The following MPG variants were observed in gnomAD, a reference collection of about 807,000 sequenced individuals.
MPG encodes N-methylpurine DNA glycosylase, also known as DNA-3-methyladenine glycosylase.
A neutral mutation model predicts 31.7 loss-of-function variants in MPG; 33 were observed. The ratio of observed to expected loss-of-function variants is 1.04; its 90% confidence interval spans 0.79 to 1.39. The LOEUF (loss-of-function observed/expected upper bound fraction) is 1.39, where lower values mean the gene tolerates loss of function less well. Ranked by LOEUF, MPG falls within the 40% of genes most tolerant of loss-of-function variation. MPG has a pLI of 0.00. For synonymous variants in MPG, 202 were observed against 169.2 expected, an observed-to-expected ratio of 1.19 and a Z score of -1.51; for missense variants, 455 against 415.5, an observed-to-expected ratio of 1.10 and a Z score of -0.83.
upstream of MPG, among the ~76,000 whole-genome samples, chr16:77,807 C>T (rs940374911): frequency 3.9e-5 from 6 of 152,100 alleles, no homozygotes; most frequent in African/African-American, 2.4e-5. Context: ...TGGCACCCCA[C>T]CGGAAAACAC....
At chr16:82,667 G>C (rs1481469181) in intron 2 of MPG, among the ~76,000 whole-genome samples, 1 of 152,220 alleles carries the variant, frequency 6.6e-6, no homozygotes, top group Non-Finnish European at 1.5e-5. Flanking sequence ...GTGATGCCTG[G>C]CCTCGTGCTA....
intron 3 of MPG, among the ~76,000 whole-genome samples, chr16:83,959 G>A (rs765833861): frequency 1.3e-5 from 2 of 152,214 alleles, no homozygotes; most frequent in South Asian, 2.1e-4. Flanking sequence ...CGGAGGAGTC[G>A]GTGAGGAAAG....
chr16:83,457 G>A (rs1898313139), intron 3 of MPG: 4 of 574,756 alleles, frequency 7.0e-6, no homozygotes, highest in Non-Finnish European at 1.2e-5. Flanking sequence ...AGGGCCGGGT[G>A]GGGCCGGGCG....
chr16:85,636 T>TA lies in MPG; in HGVS notation c.741_742insA (p.Glu248ArgfsTer41). 6.3e-7 allele frequency: 1 copy of TA among 1,594,698 alleles called. No individual in the cohort carries two copies. The highest frequency in any genetic ancestry group is 8.6e-7 in the Non-Finnish European group (1 of 1,166,288). ...TGGAGCGTGGTCCCCTGGAGCCCAGTGAGCCGGCTGTAGTGGCAGCAGCCC... is the reference window on the plus strand; with the variant it reads ...TGGAGCGTGGTCCCCTGGAGCCCAGTAGAGCCGGCTGTAGTGGCAGCAGCCC... On this transcript the variant is annotated frameshift_variant, in exon 4 of 4. Coordinates refer to ENST00000356432, the MANE Select transcript of MPG (RefSeq NM_001015052.3). LOFTEE classifies it high-confidence loss of function.
chr16:85,262 G>C (rs1898396092), intron 3 of MPG, 139 bp from the exon 4 acceptor site: 2 of 996,004 alleles, frequency 2.0e-6, no homozygotes, highest in African/African-American at 3.2e-5. Context: ...AGGAGATGGT[G>C]CAGGTGCACA....
At position 83,246 on chromosome 16, in the gene MPG, C is replaced by G. The variant is rs1240493174; in HGVS notation, c.495C>G (p.Ile165Met). ...IIYGMYFCMN[I>M]SSQGDGACVL... ...ACGGCATGTACTTCTGCATGAACAT[C>G]TCCAGCCAGGGTGAGCAGTGCTGGG... Residue 165 changes from isoleucine to methionine, a missense_variant, in exon 3 of 4, where the codon ATC becomes ATG. Coordinates refer to ENST00000356432, the MANE Select transcript of MPG (RefSeq NM_001015052.3). 1.9e-6 allele frequency: 3 copies of G among 1,611,478 alleles called. No individual in the cohort carries two copies. Among genetic ancestry groups the G allele is most frequent in the Non-Finnish European group, 2.5e-6 (3 of 1,178,912 alleles).
At chr16:78,147 G>T, upstream of MPG, 1 of 476,566 alleles carries the variant, frequency 2.1e-6, no homozygotes, top group Non-Finnish European at 3.2e-6. Flanking sequence ...CCGCCCCGGG[G>T]GCGCAGCCAG....
At chr16:80,328 C>T (rs917076263) in intron 2 of MPG, among the ~76,000 whole-genome samples, 3 of 152,240 alleles carry the variant, frequency 2.0e-5, no homozygotes, top group African/African-American at 7.2e-5. Context: ...TCTCCAGAGG[C>T]TCCAAGGCCT....
intron 2 of MPG, among the ~76,000 whole-genome samples, chr16:82,702 A>G (rs938727612): frequency 1.3e-5 from 2 of 152,156 alleles, no homozygotes; most frequent in East Asian, 3.9e-4. Context: ...TCTCAAGGGC[A>G]CTTGGGAAAG....
Position 83,046 on chromosome 16 carries a change from C to T in MPG, c.301-6C>T, listed in dbSNP as rs775514188. On this transcript the variant is annotated splice_region_variant and splice_polypyrimidine_tract_variant and intron_variant, in intron 2 of 3. Transcript: ENST00000356432. ...CCCGCCCTGAGCAGAAACTGACTGC[C>T]CACAGGTCCTAGTCCGGCGACTTCC... The T allele has an allele frequency of 3.2e-6, 5 of 1,586,806 alleles. No individual in the cohort carries two copies. Among genetic ancestry groups the T allele is most frequent in the Non-Finnish European group, 4.3e-6 (5 of 1,164,106 alleles).
chr16:79,264 G>A (rs1898173333), intron 1 of MPG, 161 bp from the exon 2 acceptor site: 4 of 1,557,010 alleles, frequency 2.6e-6, no homozygotes, highest in Non-Finnish European at 3.5e-6. Context: ...AGTGTGTCAG[G>A]GTGTTTGTGC....
intron 3 of MPG, 194 bp downstream of exon 3, chr16:83,450 G>A (rs971674875): frequency 1.7e-6 from 1 of 581,378 alleles, no homozygotes; most frequent in Admixed American, 3.3e-5. Context: ...GGTAGAAAGG[G>A]CCGGGTGGGG....
rs768633100 is a variant in MPG at position 85,783 on chromosome 16, G to C, written c.*6G>C. 1.4e-6 allele frequency: 2 copies of C among 1,476,410 alleles called. No individual in the cohort carries two copies. Among genetic ancestry groups the C allele is most frequent in the African/African-American group, 1.4e-5 (1 of 70,778 alleles). The allele number at this position is 1,476,410 out of a possible 1,614,324, so 91.5% of individuals were successfully genotyped here. Reference sequence around the variant, plus strand: ...AGCAGGACACACAGGCCTGAGCAAAGGGCCTGCCCAGACAAGATTTTTTAA... The same window carrying C: ...AGCAGGACACACAGGCCTGAGCAAACGGCCTGCCCAGACAAGATTTTTTAA... On this transcript the variant is annotated 3_prime_UTR_variant, in exon 4 of 4. Transcript: ENST00000356432.
intron 2 of MPG, among the ~76,000 whole-genome samples, chr16:81,391 C>T (rs988858533): frequency 2.6e-5 from 4 of 152,168 alleles, no homozygotes; most frequent in Non-Finnish European, 5.9e-5. Flanking sequence ...CCCAGTGTGC[C>T]CCCATGGAGG....
At chr16:84,760 T>A (rs968271857) in intron 3 of MPG, among the ~76,000 whole-genome samples, 2 of 152,134 alleles carry the variant, frequency 1.3e-5, no homozygotes, top group African/African-American at 4.8e-5. Flanking sequence ...AGCCTCCTCC[T>A]GCCCTGCCTG....
chr16:80,311 TTCTGGTTCTCCAGAGGC>T (rs1233562921), intron 2 of MPG, among the ~76,000 whole-genome samples: 4 of 152,222 alleles, frequency 2.6e-5, no homozygotes, highest in African/African-American at 9.6e-5. Flanking sequence ...AGGCCTGCCT[TTCTGGTTCTCCAGAGGC>T]TCCAAGGCCT....
intron 1 of MPG, 134 bp downstream of exon 1, chr16:78,467 G>A (rs1341126946): frequency 6.2e-6 from 5 of 807,990 alleles, no homozygotes; most frequent in Non-Finnish European, 7.9e-6. Flanking sequence ...GGCAGAGCCA[G>A]AGCATAGGCC....
rs781626206 is a variant in MPG, at chr16:83,143, A to C, written c.392A>C (p.His131Pro). The part of the protein sequence containing the change: ...AYLGPEDEAA[H>P]SRGGRQTPRN... ...CTGGGGCCAGAGGATGAAGCCGCCCACTCAAGGGGTGGCCGGCAGACCCCC... is the reference window on the plus strand; with the variant it reads ...CTGGGGCCAGAGGATGAAGCCGCCCCCTCAAGGGGTGGCCGGCAGACCCCC... Residue 131 changes from histidine (H) to proline (P), a missense_variant, in exon 3 of 4, where the codon CAC becomes CCC. Transcript: ENST00000356432. 1 of 1,613,044 alleles carries C rather than the reference A, an allele frequency of 6.2e-7. No homozygotes were observed. The highest frequency in any genetic ancestry group is 2.2e-5 in the East Asian group (1 of 44,858).
intron 1 of MPG, among the ~76,000 whole-genome samples, chr16:78,882 C>T (rs1360703117): frequency 6.6e-6 from 1 of 152,210 alleles, no homozygotes; most frequent in East Asian, 1.9e-4. Context: ...CCCACTTGCT[C>T]GTTATCCAGC....
Sources: gnomAD v4.1 joint callset for allele counts (sites outside exome capture counted in the v4.1 genomes callset) on GRCh38, gnomAD v4.1.1 for gene constraint, MANE v1.5 for transcripts, NCBI Gene and HGNC (gene_info 2026-07-23, HGNC 2026-07-21) for gene names.